MED13: variants seen among roughly 807,000 people sequenced by gnomAD.
The protein encoded by MED13 is mediator complex subunit 13.
Under a neutral mutation model 225.2 loss-of-function variants are expected in MED13, and 23 were observed. The observed-to-expected ratio is 0.10, with a 90% CI of 0.07 to 0.14. MED13 has a LOEUF of 0.14. MED13 is among the 10% of genes least tolerant of loss of function. The probability of loss-of-function intolerance (pLI) is 1.00; values close to 1 mark genes in which losing one functional copy is unlikely to be tolerated. For synonymous variants in MED13, 942 were observed against 889.2 expected, an observed-to-expected ratio of 1.06 and a Z score of -1.06; for missense variants, 2,197 against 2,594.5, an observed-to-expected ratio of 0.85 and a Z score of 3.33.
At chr17:61,988,630 C>G (rs1299753701) in intron 11 of MED13, among the ~76,000 whole-genome samples, 1 of 152,130 alleles carries the variant, frequency 6.6e-6, no homozygotes, top group Non-Finnish European at 1.5e-5. Flanking sequence ...TTTGAGAAAG[C>G]TGAACTACAG....
chr17:61,990,906 C>A (rs2080292854), intron 11 of MED13, among the ~76,000 whole-genome samples: 1 of 152,014 alleles, frequency 6.6e-6, no homozygotes, highest in South Asian at 2.1e-4. Context: ...GGCCTCAGAA[C>A]AGCTCTCTTA....
chr17:62,015,845 T>A (rs1307613267), intron 8 of MED13, among the ~76,000 whole-genome samples: 3 of 108,188 alleles, frequency 2.8e-5, no homozygotes, highest in East Asian at 3.5e-4. Context: ...ACACACACAC[T>A]ATATATATGT....
chr17:62,002,489 CAAAAAAAA>C (rs35736875), intron 9 of MED13, among the ~76,000 whole-genome samples: 1 of 50,638 alleles, frequency 2.0e-5, no homozygotes, highest in South Asian at 6.9e-4. Flanking sequence ...AACTCCATCT[CAAAAAAAA>C]AAAAAAAAAA....
At position 62,028,995 on chromosome 17, in the gene MED13, AT is replaced by A. The variant is rs199725538; in HGVS notation, c.1283+545del. ...ACATACCAAGATCCCCTCTCTACGA[AT>A]TTTTTTTTCTTTTAATTAGCCAGGT... On this transcript the variant is annotated intron_variant, in intron 8 of 29. Transcript: ENST00000397786. Among the ~76,000 whole-genome samples the A allele has an allele frequency of 3.7e-3, 555 of 151,104 alleles. 2 individuals carry two copies. Among genetic ancestry groups the A allele is most frequent in the African/African-American group, 0.012 (503 of 41,164 alleles).
At chr17:62,040,959 G>A (rs796344235) in intron 3 of MED13, among the ~76,000 whole-genome samples, 40 of 152,264 alleles carry the variant, frequency 2.6e-4, no homozygotes, top group African/African-American at 8.9e-4. Context: ...CAGCCACCAT[G>A]GAAAGCAGTA....
intron 11 of MED13, among the ~76,000 whole-genome samples, chr17:61,990,101 A>C (rs1183705420): frequency 6.6e-6 from 1 of 152,216 alleles, no homozygotes; most frequent in African/African-American, 2.4e-5. Flanking sequence ...CACACACCAG[A>C]AGATGACTTA....
intron 16 of MED13, among the ~76,000 whole-genome samples, chr17:61,980,456 C>T (rs2080194382): frequency 6.6e-6 from 1 of 152,154 alleles, no homozygotes; most frequent in African/African-American, 2.4e-5. Context: ...AACATATTAT[C>T]TCCAAATGTG....
At chr17:62,023,713 T>C (rs961819649) in intron 8 of MED13, among the ~76,000 whole-genome samples, 2 of 148,430 alleles carry the variant, frequency 1.3e-5, no homozygotes, top group Admixed American at 1.3e-4. Context: ...TAGAGGCCGA[T>C]TTAACAGAGT....
chr17:61,996,902 T>C (rs867480469), intron 9 of MED13, among the ~76,000 whole-genome samples: 1 of 152,232 alleles, frequency 6.6e-6, no homozygotes, highest in Non-Finnish European at 1.5e-5. Context: ...ATAATAGGTG[T>C]CAATACTTGC....
intron 2 of MED13, among the ~76,000 whole-genome samples, chr17:62,056,395 T>C (rs1000623700): frequency 2.0e-5 from 3 of 152,190 alleles, no homozygotes; most frequent in African/African-American, 7.2e-5. Context: ...AGGGAACATA[T>C]GGCAAATCTT....
intron 3 of MED13, among the ~76,000 whole-genome samples, chr17:62,038,828 T>C (rs2080828265): frequency 1.4e-5 from 2 of 146,978 alleles, no homozygotes; most frequent in Non-Finnish European, 2.9e-5. Flanking sequence ...CACACCCAGC[T>C]AATTTTTTTT....
intron 1 of MED13, among the ~76,000 whole-genome samples, chr17:62,064,844 G>A (rs893672938): frequency 6.6e-6 from 1 of 152,172 alleles, no homozygotes; most frequent in Admixed American, 6.5e-5. Flanking sequence ...AAGACAAGAG[G>A]GAAAGGTTAC....
chr17:61,983,422 T>G (rs1380173811), intron 15 of MED13, among the ~76,000 whole-genome samples: 2 of 152,176 alleles, frequency 1.3e-5, no homozygotes, highest in Admixed American at 6.5e-5. Context: ...ATACTTATAT[T>G]TCCTTGATTC....
intron 9 of MED13, among the ~76,000 whole-genome samples, chr17:61,996,649 A>T (rs2080349432): frequency 6.6e-6 from 1 of 152,158 alleles, no homozygotes; most frequent in Non-Finnish European, 1.5e-5. Flanking sequence ...TCTTTGCTTA[A>T]ATGTCACCTA....
chr17:61,953,143 A>T lies in MED13; in HGVS notation c.5969-30T>A, dbSNP rs544604724. 30 of 1,595,436 alleles carry T rather than the reference A, an allele frequency of 1.9e-5. 1 individual carries two copies. In the South Asian group the frequency reaches 3.0e-4, roughly 16 times the overall value. On this transcript the variant is annotated intron_variant, in intron 26 of 29. Coordinates refer to ENST00000397786, the MANE Select transcript of MED13 (RefSeq NM_005121.3). ...ACAGGAGAAAGAAAAGAAATTTAAA[A>T]CTCCATTTTCCATATCCTATGGTCA...
At chr17:62,021,558 A>G (rs2080647610) in intron 8 of MED13, among the ~76,000 whole-genome samples, 1 of 152,240 alleles carries the variant, frequency 6.6e-6, no homozygotes, top group Admixed American at 6.5e-5. Flanking sequence ...CAGTTTTCCT[A>G]TGAACATTCC....
intron 12 of MED13, among the ~76,000 whole-genome samples, chr17:61,986,059 T>C (rs998517260): frequency 7.9e-5 from 12 of 152,226 alleles, no homozygotes; most frequent in African/African-American, 2.7e-4. Context: ...TATTAATATG[T>C]AGACCACGTT....
chr17:62,044,188 G>A (rs903901827), intron 3 of MED13, among the ~76,000 whole-genome samples: 1 of 151,478 alleles, frequency 6.6e-6, no homozygotes, highest in Non-Finnish European at 1.5e-5. Context: ...AATAAACACA[G>A]CTTTATGGGT....
intron 17 of MED13, among the ~76,000 whole-genome samples, chr17:61,972,445 A>T (rs2080118113): frequency 6.6e-6 from 1 of 152,202 alleles, no homozygotes; most frequent in Admixed American, 6.5e-5. Flanking sequence ...TTAAAAAAAA[A>T]ATCTAAGCAG....
Sources: gnomAD v4.1 joint callset for allele counts (sites outside exome capture counted in the v4.1 genomes callset) on GRCh38, gnomAD v4.1.1 for gene constraint, MANE v1.5 for transcripts, NCBI Gene and HGNC (gene_info 2026-07-23, HGNC 2026-07-21) for gene names.